The following ADGRV1 variants were observed in gnomAD, a reference collection of about 807,000 sequenced individuals.
The protein encoded by ADGRV1 is adhesion G protein-coupled receptor V1.
In ADGRV1, 359 loss-of-function variants were observed where a neutral mutation model predicts 596.2. That is an observed-to-expected ratio of 0.60 (90% CI 0.55 to 0.66). ADGRV1 has a LOEUF of 0.66. Ranked by LOEUF, ADGRV1 falls within the 30% of genes least tolerant of loss-of-function variation. ADGRV1 has a pLI of 0.00. For synonymous variants in ADGRV1, 2,681 were observed against 2,679.2 expected, an observed-to-expected ratio of 1.00 and a Z score of -0.02; for missense variants, 7,274 against 7,575.6, an observed-to-expected ratio of 0.96 and a Z score of 1.48.
Position 90,690,763 on chromosome 5 carries a change from A to G in ADGRV1, c.6707-34A>G. 4 of 1,571,020 alleles carry G rather than the reference A, an allele frequency of 2.5e-6. No homozygotes were observed. The South Asian group carries it at 4.7e-5, about 18-fold the overall frequency. ...AACTGTTATCTCTGTTTCACTTTGT[A>G]TTTGAAATGAACTCTGCTCTGTCTA... On this transcript the variant is annotated intron_variant, in intron 30 of 89. Transcript: ENST00000405460.
At chr5:90,994,346 A>G (rs548249338) in intron 85 of ADGRV1, among the ~76,000 whole-genome samples, 9 of 152,300 alleles carry the variant, frequency 5.9e-5, no homozygotes, top group South Asian at 2.1e-4. Context: ...TACAGGCATG[A>G]GCTGCCATGC....
At chr5:91,114,974 A>G (rs957359890) in intron 87 of ADGRV1, among the ~76,000 whole-genome samples, 2 of 152,148 alleles carry the variant, frequency 1.3e-5, no homozygotes, top group African/African-American at 4.8e-5. Flanking sequence ...TTTTCTGTTC[A>G]GCTTCTAGGC....
chr5:90,628,982 C>T (rs1244945193), intron 8 of ADGRV1, 150 bp downstream of exon 8: 1 of 749,392 alleles, frequency 1.3e-6, no homozygotes, highest in African/African-American at 1.8e-5. Flanking sequence ...CTCAGTATTC[C>T]TTCTGAAAAT....
intron 9 of ADGRV1, among the ~76,000 whole-genome samples, chr5:90,631,086 T>G (rs1324284498): frequency 6.6e-6 from 1 of 152,248 alleles, no homozygotes; most frequent in Non-Finnish European, 1.5e-5. Flanking sequence ...ATACTCATAT[T>G]GATAGTTTGG....
intron 83 of ADGRV1, among the ~76,000 whole-genome samples, chr5:90,959,914 C>A (rs1245830029): frequency 6.6e-6 from 1 of 152,044 alleles, no homozygotes; most frequent in Non-Finnish European, 1.5e-5. Context: ...CTAAGGTGGG[C>A]AGATCACGAG....
intron 86 of ADGRV1, among the ~76,000 whole-genome samples, chr5:91,094,660 A>G (rs1188180452): frequency 1.3e-5 from 2 of 152,182 alleles, no homozygotes; most frequent in Non-Finnish European, 2.9e-5. Context: ...AAATATGTTG[A>G]CTAATTTGAT....
At chr5:90,882,867 T>G (rs1269350819) in intron 83 of ADGRV1, among the ~76,000 whole-genome samples, 2 of 150,988 alleles carry the variant, frequency 1.3e-5, no homozygotes, top group Non-Finnish European at 2.9e-5. Flanking sequence ...TTTCAAAATT[T>G]CAAAATTATA....
chr5:90,899,490 CTGGGAACTTGT>C (rs1240806910), intron 83 of ADGRV1, among the ~76,000 whole-genome samples: 1 of 152,154 alleles, frequency 6.6e-6, no homozygotes, highest in Non-Finnish European at 1.5e-5. Context: ...TTGGCCAAAT[CTGGGAACTTGT>C]TAGTCTGCCT....
chr5:90,683,814 GCCA>G lies in ADGRV1; in HGVS notation c.5895_5897del (p.Thr1966del), dbSNP rs754441517. 6.2e-7 allele frequency: 1 copy of G among 1,613,790 alleles called. No homozygotes were observed. The highest frequency in any genetic ancestry group is 8.5e-7 in the Non-Finnish European group (1 of 1,179,846). ...TGGTTCTTTGGGAGCTCATATTAAT[GCCA>G]CGTTAACAGTTTTGGCTAGTGATGA... On this transcript the variant is annotated inframe_deletion, in exon 28 of 90. Transcript: ENST00000405460.
chr5:90,680,116 G>A (rs995814003), intron 26 of ADGRV1, among the ~76,000 whole-genome samples: 1 of 152,116 alleles, frequency 6.6e-6, no homozygotes, highest in Admixed American at 6.6e-5. Context: ...CTGGGAGACC[G>A]AGGCGGGCTG....
Position 90,565,329 on chromosome 5 carries a change from C to G in ADGRV1, c.22+6412C>G, listed in dbSNP as rs536305288. 5.9e-5 allele frequency among the ~76,000 whole-genome samples: 9 copies of G among 152,292 alleles called. No individual in the cohort carries two copies. The East Asian group carries it at 9.7e-4, about 16-fold the overall frequency. Reference sequence around the variant, plus strand: ...CTCTCTACCCATTAGCTTTTGCTCTCTATCCCACCTTTCTCCACTGCCTTC... The same window carrying G: ...CTCTCTACCCATTAGCTTTTGCTCTGTATCCCACCTTTCTCCACTGCCTTC... On this transcript the variant is annotated intron_variant, in intron 1 of 89. Transcript: ENST00000405460.
chr5:91,093,199 C>T (rs923992853), intron 86 of ADGRV1, among the ~76,000 whole-genome samples: 21 of 152,194 alleles, frequency 1.4e-4, no homozygotes, highest in African/African-American at 4.8e-4. Flanking sequence ...ACCCAACAGG[C>T]TCAAAAGTGA....
At chr5:90,641,481 A>G (rs746918063) in intron 11 of ADGRV1, among the ~76,000 whole-genome samples, 4 of 152,064 alleles carry the variant, frequency 2.6e-5, no homozygotes, top group Non-Finnish European at 4.4e-5. Context: ...GCTTATGTGG[A>G]TATAAGAAAT....
rs142870358 is a variant in ADGRV1, at chr5:90,751,949, A to G, written c.11121+1252A>G. On this transcript the variant is annotated intron_variant, in intron 53 of 89. Coordinates refer to ENST00000405460, the MANE Select transcript of ADGRV1 (RefSeq NM_032119.4). The stretch of plus-strand genomic sequence containing the variant: ...CATTTCTTATATAAACATGATTACA[A>G]TTATTTCTAATTTAAATATATAATG... 6.9e-3 allele frequency among the ~76,000 whole-genome samples: 1,045 copies of G among 152,300 alleles called. 7 individuals carry two copies. Among genetic ancestry groups the G allele is most frequent in the African/African-American group, 0.023 (966 of 41,572 alleles).
At chr5:90,906,182 C>T (rs10035307) in intron 83 of ADGRV1, among the ~76,000 whole-genome samples, 72,273 of 151,712 alleles carry the variant, frequency 0.48, 18,110 homozygotes, top group African/African-American at 0.64. Context: ...TATTGGCCTG[C>T]ATATATGTTT....
At position 90,750,630 on chromosome 5, in the gene ADGRV1, A is replaced by G. The variant is rs922324219; in HGVS notation, c.11054A>G (p.Tyr3685Cys). 2.5e-6 allele frequency: 4 copies of G among 1,611,646 alleles called. No homozygotes were observed. The highest frequency in any genetic ancestry group is 1.7e-5 in the Admixed American group (1 of 60,000). ...TLNVERLKGTYGRITIAWEAD... is the reference protein window; with the variant it reads ...TLNVERLKGTCGRITIAWEAD... Reference sequence around the variant, plus strand: ...AACGTTGAACGCTTAAAAGGAACATATGGCCGTATAACCATAGCATGGGAA... The same window carrying G: ...AACGTTGAACGCTTAAAAGGAACATGTGGCCGTATAACCATAGCATGGGAA... The change falls in exon 53 of 90, where the codon TAT (tyrosine) becomes TGT (cysteine). Residue 3685 changes from tyrosine (Y) to cysteine (C), a missense_variant. Tyr to Cys is a radical substitution (Grantham distance 194, BLOSUM62 -2). This residue lies in a region of ADGRV1 where 3,643 missense variants were observed against 3,809.2 expected (regional missense o/e 0.96). Transcript: ENST00000405460.
chr5:90,848,059 CCTGT>C (rs1561842572), intron 78 of ADGRV1, among the ~76,000 whole-genome samples: 1 of 152,000 alleles, frequency 6.6e-6, no homozygotes, highest in East Asian at 1.9e-4. Context: ...CCTTTTTTCC[CCTGT>C]CTCTCAAAAA....
chr5:91,103,719 G>C (rs569263397), intron 87 of ADGRV1, among the ~76,000 whole-genome samples: 44 of 152,164 alleles, frequency 2.9e-4, no homozygotes, highest in African/African-American at 1.1e-3. Context: ...TTGCATGGCA[G>C]CAATTTCCAA....
chr5:90,993,751 C>G (rs1781170210), intron 85 of ADGRV1, among the ~76,000 whole-genome samples: 1 of 151,742 alleles, frequency 6.6e-6, no homozygotes, highest in African/African-American at 2.4e-5. Flanking sequence ...GTCTGTGAAA[C>G]TTCTTGGATG....
Sources: allele counts gnomAD v4.1 joint callset (sites outside exome capture counted in the v4.1 genomes callset), GRCh38; gene constraint gnomAD v4.1.1; regional missense constraint gnomAD v4.1.1; transcripts MANE v1.5; gene names NCBI Gene and HGNC (gene_info 2026-07-23, HGNC 2026-07-21).